AGBL4: variants seen among roughly 807,000 people sequenced by gnomAD.
AGBL4 encodes the protein cytosolic carboxypeptidase 6.
A neutral mutation model predicts 66.4 loss-of-function variants in AGBL4; 58 were observed. That is an observed-to-expected ratio of 0.87 (90% CI 0.71 to 1.09). The LOEUF (loss-of-function observed/expected upper bound fraction) is 1.09, where lower values mean the gene tolerates loss of function less well. AGBL4 is among the 50% of genes least tolerant of loss of function. AGBL4 has a pLI of 0.00. For missense variants in AGBL4, 579 were observed against 631.0 expected (o/e 0.92, Z 0.88); for synonymous variants, 234 against 222.9 (o/e 1.05, Z -0.44).
At chr1:49,035,677 A>C (rs1014477162) in intron 5 of AGBL4, among the ~76,000 whole-genome samples, 1 of 152,034 alleles carries the variant, frequency 6.6e-6, no homozygotes, top group Non-Finnish European at 1.5e-5. Flanking sequence ...TACTTTAGAG[A>C]GACAATTAAC....
At chr1:49,594,824 CAT>C (rs1247486549) in intron 3 of AGBL4, among the ~76,000 whole-genome samples, 2 of 152,174 alleles carry the variant, frequency 1.3e-5, no homozygotes, top group Non-Finnish European at 2.9e-5. Flanking sequence ...CTGCAATAAA[CAT>C]ATGTGTGCAT....
chr1:49,758,613 A>G (rs886287919), intron 2 of AGBL4, among the ~76,000 whole-genome samples: 2 of 152,052 alleles, frequency 1.3e-5, no homozygotes, highest in African/African-American at 4.8e-5. Context: ...TCAGACTTGC[A>G]TGGGGCCTGT....
chr1:48,865,910 C>A (rs1342775578), intron 6 of AGBL4, among the ~76,000 whole-genome samples: 1 of 152,132 alleles, frequency 6.6e-6, no homozygotes. Context: ...ACAAGTGAGC[C>A]ACTCTAGTCA....
intron 6 of AGBL4, among the ~76,000 whole-genome samples, chr1:48,787,568 T>C (rs1044608174): frequency 6.6e-6 from 1 of 152,240 alleles, no homozygotes; most frequent in Non-Finnish European, 1.5e-5. Flanking sequence ...AATGGAAAAC[T>C]GACTCATATA....
intron 5 of AGBL4, among the ~76,000 whole-genome samples, chr1:48,915,364 G>A: frequency 6.6e-6 from 1 of 152,028 alleles, no homozygotes; most frequent in South Asian, 2.1e-4. Context: ...GGAAATTTTT[G>A]GTCTTCTTGA....
intron 3 of AGBL4, among the ~76,000 whole-genome samples, chr1:49,658,562 T>C (rs1358680795): frequency 6.6e-6 from 1 of 152,134 alleles, no homozygotes; most frequent in Non-Finnish European, 1.5e-5. Flanking sequence ...TGCACACATA[T>C]GTTTATTGTG....
At chr1:49,893,564 G>A (rs1047919887) in intron 1 of AGBL4, among the ~76,000 whole-genome samples, 7 of 152,116 alleles carry the variant, frequency 4.6e-5, no homozygotes, top group Admixed American at 2.6e-4. Flanking sequence ...GGCCTTAAGC[G>A]AACATTGACA....
intron 3 of AGBL4, among the ~76,000 whole-genome samples, chr1:49,261,057 C>T (rs967024851): frequency 1.3e-5 from 2 of 152,004 alleles, no homozygotes; most frequent in Non-Finnish European, 2.9e-5. Context: ...AAGACAAAAA[C>T]CACATGATTA....
At chr1:49,056,217 T>C (rs1644305524) in intron 4 of AGBL4, among the ~76,000 whole-genome samples, 2 of 151,962 alleles carry the variant, frequency 1.3e-5, no homozygotes, top group African/African-American at 4.8e-5. Context: ...GAGCTTCCCA[T>C]GTTGGCACTT....
At chr1:49,211,174 A>C (rs1648639863) in intron 4 of AGBL4, among the ~76,000 whole-genome samples, 2 of 152,104 alleles carry the variant, frequency 1.3e-5, no homozygotes, top group African/African-American at 4.8e-5. Flanking sequence ...TAGCTGTTCC[A>C]TTGCTGTCAT....
rs372939994 is a variant in AGBL4, at chr1:49,560,693, G to T, written c.282+136620C>A. Among the ~76,000 whole-genome samples the T allele has an allele frequency of 1.6e-3, 236 of 152,154 alleles. 1 individual carries two copies. Among genetic ancestry groups the T allele is most frequent in the African/African-American group, 4.8e-3 (201 of 41,516 alleles). The stretch of plus-strand genomic sequence containing the variant: ...CTCACAAAGTTCAAGGATAAATAAA[G>T]ATTCCTAAAAGCAGTAAGAAACAAG... On this transcript the variant is annotated intron_variant, in intron 3 of 13. Coordinates refer to ENST00000371839, the MANE Select transcript of AGBL4 (RefSeq NM_032785.4).
At chr1:48,885,065 G>T (rs1650186494) in intron 5 of AGBL4, among the ~76,000 whole-genome samples, 1 of 152,064 alleles carries the variant, frequency 6.6e-6, no homozygotes, top group South Asian at 2.1e-4. Context: ...TTGACTGGGT[G>T]CTGGAAGGCC....
At chr1:49,115,206 T>A (rs1278318217) in intron 4 of AGBL4, among the ~76,000 whole-genome samples, 4 of 152,252 alleles carry the variant, frequency 2.6e-5, no homozygotes, top group African/African-American at 9.6e-5. Flanking sequence ...GGGCTGGAAG[T>A]GTTCTTGGAG....
chr1:49,114,867 T>C (rs1440246820), intron 4 of AGBL4, among the ~76,000 whole-genome samples: 3 of 152,130 alleles, frequency 2.0e-5, no homozygotes, highest in African/African-American at 7.2e-5. Flanking sequence ...CCCAAAACAA[T>C]TACAATAGTA....
chr1:48,917,315 G>A (rs772568311), intron 5 of AGBL4, among the ~76,000 whole-genome samples: 8 of 151,266 alleles, frequency 5.3e-5, no homozygotes, highest in South Asian at 4.2e-4. Context: ...TTTGTACTTC[G>A]TTAGGCAATT....
chr1:49,017,334 T>C (rs1046225668), intron 5 of AGBL4, among the ~76,000 whole-genome samples: 3 of 152,190 alleles, frequency 2.0e-5, no homozygotes, highest in Non-Finnish European at 2.9e-5. Context: ...GAATGACTTT[T>C]AGAATAGTGG....
intron 1 of AGBL4, among the ~76,000 whole-genome samples, chr1:49,948,915 C>A (rs1034932897): frequency 4.6e-5 from 7 of 151,702 alleles, no homozygotes; most frequent in Non-Finnish European, 8.8e-5. Context: ...AATCTAGAGG[C>A]ATCACATTAC....
chr1:49,170,130 A>T (rs533470376), intron 4 of AGBL4, among the ~76,000 whole-genome samples: 1 of 150,502 alleles, frequency 6.6e-6, no homozygotes, highest in South Asian at 2.1e-4. Context: ...CCCAAAAGCT[A>T]ATGAAATAAA....
chr1:49,766,935 A>T (rs1652774714), intron 2 of AGBL4, among the ~76,000 whole-genome samples: 1 of 152,202 alleles, frequency 6.6e-6, no homozygotes, highest in Admixed American at 6.5e-5. Flanking sequence ...ACAATATTAT[A>T]GCACCCAGAT....
Sources: allele counts gnomAD v4.1 joint callset (sites outside exome capture counted in the v4.1 genomes callset), GRCh38; gene constraint gnomAD v4.1.1; transcripts MANE v1.5; gene names NCBI Gene and HGNC (gene_info 2026-07-23, HGNC 2026-07-21).